Variants in ATXN1 observed in about 807,000 individuals in gnomAD.
ATXN1 encodes the protein ataxin 1.
In ATXN1, 8 loss-of-function variants were observed where a neutral mutation model predicts 56.4. The observed-to-expected ratio is 0.14, with a 90% CI of 0.08 to 0.26. The LOEUF (loss-of-function observed/expected upper bound fraction) is 0.26. ATXN1 is among the 10% of genes least tolerant of loss of function. The probability of loss-of-function intolerance (pLI) is 1.00; values close to 1 mark genes in which losing one functional copy is unlikely to be tolerated. For synonymous variants in ATXN1, 514 were observed against 494.6 expected, an observed-to-expected ratio of 1.04 and a Z score of -0.52; for missense variants, 987 against 1,106.5, an observed-to-expected ratio of 0.89 and a Z score of 1.53.
At chr6:16,714,781 T>C (rs941658530) in intron 2 of ATXN1, among the ~76,000 whole-genome samples, 1 of 152,206 alleles carries the variant, frequency 6.6e-6, no homozygotes, top group Non-Finnish European at 1.5e-5. Context: ...AAGGGGGGGC[T>C]ATTAATTTAT....
chr6:16,544,086 C>T (rs1761767227), intron 4 of ATXN1, among the ~76,000 whole-genome samples: 1 of 152,214 alleles, frequency 6.6e-6, no homozygotes, highest in Non-Finnish European at 1.5e-5. Flanking sequence ...CTCTCCTCTG[C>T]ACCTCAGTTT....
chr6:16,705,457 T>C (rs9367925), intron 2 of ATXN1, among the ~76,000 whole-genome samples: 81,939 of 151,972 alleles, frequency 0.54, 22,850 homozygotes, highest in East Asian at 0.99. Flanking sequence ...AAGTGCAGGC[T>C]GGGCACCTTT....
intron 4 of ATXN1, among the ~76,000 whole-genome samples, chr6:16,549,942 A>G (rs1348542805): frequency 6.7e-6 from 1 of 148,364 alleles, no homozygotes; most frequent in Non-Finnish European, 1.5e-5. Flanking sequence ...ATTCTCACTC[A>G]TAAGTGGGAG....
At chr6:16,569,703 T>C (rs975077131) in intron 4 of ATXN1, among the ~76,000 whole-genome samples, 3 of 152,046 alleles carry the variant, frequency 2.0e-5, no homozygotes, top group Non-Finnish European at 2.9e-5. Flanking sequence ...ACTGGTTAGT[T>C]GTTGAAAAAA....
In ATXN1 at chr6:16,327,957, C is replaced by T; in HGVS notation, c.354G>A (p.Val118=). Residue 118 remains valine, a synonymous_variant, in exon 7 of 8, where the codon GTG becomes GTA. Coordinates refer to ENST00000436367, the MANE Select transcript of ATXN1 (RefSeq NM_001128164.2). ...TPQPGTPVSP[V]QYAHLPHTFQ... ...AGGTGTGCGGCAGGTGAGCGTACTG[C>T]ACGGGGGACACCGGGGTCCCTGGCT... 2 of 1,612,984 alleles carry T rather than the reference C, an allele frequency of 1.2e-6. No homozygotes were observed. Among genetic ancestry groups the T allele is most frequent in the Non-Finnish European group, 1.7e-6 (2 of 1,179,836 alleles).
intron 2 of ATXN1, among the ~76,000 whole-genome samples, chr6:16,663,608 T>A (rs895880423): frequency 5.3e-5 from 8 of 152,268 alleles, no homozygotes; most frequent in African/African-American, 1.7e-4. Flanking sequence ...AGGAAGATGA[T>A]GCTCATCACG....
intron 2 of ATXN1, among the ~76,000 whole-genome samples, chr6:16,669,667 C>CTTTTTT (rs11356086): frequency 2.8e-4 from 32 of 113,114 alleles, no homozygotes; most frequent in African/African-American, 3.9e-4. Flanking sequence ...ACTGAACAAT[C>CTTTTTT]TTTTTTTTTT....
rs556029311 is a variant in ATXN1, at chr6:16,710,498, A to G, written c.-615+42735T>C. Among the ~76,000 whole-genome samples the G allele has an allele frequency of 4.6e-5, 7 of 152,326 alleles. No homozygotes were observed. In the South Asian group the frequency reaches 1.5e-3, roughly 32 times the overall value. Reference sequence around the variant, plus strand: ...CCAAAATAATCTTGAGGGAAAAAACAAGACAGAGAGGACTCACGCTATCTG... The same window carrying G: ...CCAAAATAATCTTGAGGGAAAAAACGAGACAGAGAGGACTCACGCTATCTG... On this transcript the variant is annotated intron_variant, in intron 2 of 7. Coordinates refer to ENST00000436367, the MANE Select transcript of ATXN1 (RefSeq NM_001128164.2).
intron 6 of ATXN1, among the ~76,000 whole-genome samples, chr6:16,441,644 T>C (rs1424326736): frequency 2.0e-5 from 3 of 151,948 alleles, no homozygotes; most frequent in Non-Finnish European, 2.9e-5. Flanking sequence ...ATGAAGTGAT[T>C]GGAGAAAAGA....
intron 6 of ATXN1, among the ~76,000 whole-genome samples, chr6:16,453,958 T>C (rs928480227): frequency 4.0e-5 from 6 of 151,800 alleles, no homozygotes; most frequent in Non-Finnish European, 7.4e-5. Context: ...CTGGCCAACA[T>C]GGCAAAACCC....
chr6:16,407,410 C>T (rs1028386625), intron 6 of ATXN1, among the ~76,000 whole-genome samples: 3 of 152,210 alleles, frequency 2.0e-5, no homozygotes, highest in African/African-American at 4.8e-5. Flanking sequence ...CTTCCAATGG[C>T]ACATTGAAAT....
intron 2 of ATXN1, among the ~76,000 whole-genome samples, chr6:16,684,852 G>T (rs1234494976): frequency 2.0e-5 from 3 of 147,076 alleles, no homozygotes; most frequent in Non-Finnish European, 1.5e-5. Flanking sequence ...ATTAGGGCTG[G>T]TTTTTTTTTT....
intron 6 of ATXN1, among the ~76,000 whole-genome samples, chr6:16,414,063 C>T (rs1031856609): frequency 1.3e-5 from 2 of 152,168 alleles, no homozygotes; most frequent in African/African-American, 4.8e-5. Context: ...TTTCTATAGC[C>T]TCAAGGAGCT....
chr6:16,389,068 G>T (rs991609327), intron 6 of ATXN1, among the ~76,000 whole-genome samples: 2 of 152,308 alleles, frequency 1.3e-5, no homozygotes. Flanking sequence ...CCGGCGTGGT[G>T]GCTCACGCCT....
At chr6:16,504,144 A>G (rs537802867) in intron 5 of ATXN1, among the ~76,000 whole-genome samples, 1 of 152,296 alleles carries the variant, frequency 6.6e-6, no homozygotes, top group African/African-American at 2.4e-5. Flanking sequence ...CATGTGGTCA[A>G]TGAAACTCCT....
chr6:16,551,120 GA>G (rs1352132310), intron 4 of ATXN1, among the ~76,000 whole-genome samples: 2 of 152,138 alleles, frequency 1.3e-5, no homozygotes, highest in East Asian at 3.8e-4. Flanking sequence ...AGAATAAAAA[GA>G]AAAATCTTGG....
intron 2 of ATXN1, among the ~76,000 whole-genome samples, chr6:16,702,231 G>T (rs1474997984): frequency 1.3e-5 from 2 of 152,074 alleles, no homozygotes; most frequent in African/African-American, 4.8e-5. Flanking sequence ...ACAAGAAATG[G>T]GGAAAGGATT....
intron 6 of ATXN1, among the ~76,000 whole-genome samples, chr6:16,449,751 G>C (rs1759715483): frequency 6.6e-6 from 1 of 152,134 alleles, no homozygotes; most frequent in South Asian, 2.1e-4. Flanking sequence ...AACATATCCT[G>C]AGCTTGCAAG....
chr6:16,730,977 G>T (rs1759962408), intron 2 of ATXN1, among the ~76,000 whole-genome samples: 1 of 152,144 alleles, frequency 6.6e-6, no homozygotes, highest in South Asian at 2.1e-4. Context: ...ATATTGACAA[G>T]ATAGAAGGAA....
Sources: gnomAD v4.1 joint callset for allele counts (sites outside exome capture counted in the v4.1 genomes callset) on GRCh38, gnomAD v4.1.1 for gene constraint, MANE v1.5 for transcripts, NCBI Gene and HGNC (gene_info 2026-07-23, HGNC 2026-07-21) for gene names.